RSRC1: variants seen among roughly 807,000 people sequenced by gnomAD.
The protein encoded by RSRC1 is arginine and serine rich coiled-coil 1.
In RSRC1, 39 loss-of-function variants were observed where a neutral mutation model predicts 49.1. The ratio of observed to expected loss-of-function variants is 0.79; its 90% confidence interval spans 0.61 to 1.04. The LOEUF (loss-of-function observed/expected upper bound fraction) is 1.04, where lower values mean the gene tolerates loss of function less well. Among genes scored for constraint, RSRC1 ranks in the 50% least tolerant of loss-of-function variants. The pLI, the probability that RSRC1 is intolerant of heterozygous loss-of-function variation, is 0.00. For missense variants in RSRC1, 388 were observed against 402.4 expected (o/e 0.96, Z 0.31); for synonymous variants, 143 against 130.8 (o/e 1.09, Z -0.63).
At chr3:158,279,523 T>C (rs1043764753) in intron 4 of RSRC1, among the ~76,000 whole-genome samples, 1 of 152,256 alleles carries the variant, frequency 6.6e-6, no homozygotes, top group Non-Finnish European at 1.5e-5. Context: ...TACTTTCGGC[T>C]CAATAGAATA....
intron 6 of RSRC1, among the ~76,000 whole-genome samples, chr3:158,394,479 G>A (rs564587403): frequency 7.9e-5 from 12 of 151,298 alleles, no homozygotes; most frequent in African/African-American, 2.9e-4. Flanking sequence ...CCAGAATCTG[G>A]AGTTTCAGCA....
At chr3:158,247,298 G>A (rs747051790) in intron 4 of RSRC1, among the ~76,000 whole-genome samples, 36 of 151,878 alleles carry the variant, frequency 2.4e-4, no homozygotes, top group Non-Finnish European at 4.6e-4. Flanking sequence ...GCTTTTTTGC[G>A]TTCATTACAA....
At chr3:158,249,930 T>C (rs948736114) in intron 4 of RSRC1, among the ~76,000 whole-genome samples, 1 of 152,200 alleles carries the variant, frequency 6.6e-6, no homozygotes, top group African/African-American at 2.4e-5. Context: ...TCTATATTTC[T>C]GTACCCACTA....
chr3:158,418,087 A>T (rs757216049), intron 6 of RSRC1, among the ~76,000 whole-genome samples: 1 of 152,022 alleles, frequency 6.6e-6, no homozygotes, highest in Non-Finnish European at 1.5e-5. Flanking sequence ...TGGTAAACAC[A>T]CAAGTGTTAT....
chr3:158,391,957 C>T (rs903589243), intron 6 of RSRC1, among the ~76,000 whole-genome samples: 1 of 151,926 alleles, frequency 6.6e-6, no homozygotes. Flanking sequence ...CTTATTAAGC[C>T]AGAATTCTGA....
rs184764370 is a variant in RSRC1, at chr3:158,326,886, A to G, written c.532-27971A>G. On this transcript the variant is annotated intron_variant, in intron 5 of 9. Transcript: ENST00000611884. Reference sequence around the variant, plus strand: ...TACTTTTTTTGGTTGGTAGGCTATTAATTATTGCCTCAATTTCAGAGCCTG... The same window carrying G: ...TACTTTTTTTGGTTGGTAGGCTATTGATTATTGCCTCAATTTCAGAGCCTG... 1.8e-4 allele frequency among the ~76,000 whole-genome samples: 28 copies of G among 152,188 alleles called. No homozygotes were observed. The East Asian group carries it at 3.1e-3, about 17-fold the overall frequency.
At chr3:158,394,591 G>C (rs1733507079) in intron 6 of RSRC1, among the ~76,000 whole-genome samples, 1 of 151,966 alleles carries the variant, frequency 6.6e-6, no homozygotes, top group Admixed American at 6.6e-5. Flanking sequence ...ATTCACAATA[G>C]ACACAAAAAG....
intron 3 of RSRC1, among the ~76,000 whole-genome samples, chr3:158,150,637 T>C (rs905664305): frequency 4.6e-5 from 7 of 152,164 alleles, no homozygotes; most frequent in Non-Finnish European, 7.3e-5. Context: ...TAAGAGACTA[T>C]AAGAGAGGGT....
intron 7 of RSRC1, among the ~76,000 whole-genome samples, chr3:158,531,629 T>A (rs979710489): frequency 6.6e-6 from 1 of 151,786 alleles, no homozygotes; most frequent in East Asian, 1.9e-4. Flanking sequence ...CCTATTCCAC[T>A]TAAGGAGTTT....
chr3:158,225,850 G>A, intron 4 of RSRC1: 1 of 293,320 alleles, frequency 3.4e-6, no homozygotes, highest in Non-Finnish European at 6.7e-6. Flanking sequence ...CCTGGAAGGT[G>A]GAAAACACAC....
At chr3:158,359,429 A>G (rs1333680441) in intron 6 of RSRC1, among the ~76,000 whole-genome samples, 4 of 152,216 alleles carry the variant, frequency 2.6e-5, no homozygotes, top group Non-Finnish European at 5.9e-5. Flanking sequence ...CACCACTGCT[A>G]GATGATTCTT....
chr3:158,253,947 G>A (rs1373358368), intron 4 of RSRC1, among the ~76,000 whole-genome samples: 4 of 152,110 alleles, frequency 2.6e-5, no homozygotes, highest in Non-Finnish European at 4.4e-5. Context: ...CCTGGTGTGT[G>A]ATGTTCCCCG....
intron 3 of RSRC1, among the ~76,000 whole-genome samples, chr3:158,202,578 A>ATATATATATATATATATATATATATATG (rs1721118535): frequency 1.4e-5 from 2 of 142,690 alleles, no homozygotes; most frequent in African/African-American, 2.7e-5. Flanking sequence ...ATATATATAT[A>ATATATATATATATATATATATATATATG]TATGTTTTAT....
chr3:158,422,482 A>G (rs1477480621), intron 6 of RSRC1, among the ~76,000 whole-genome samples: 1 of 150,768 alleles, frequency 6.6e-6, no homozygotes, highest in African/African-American at 2.4e-5. Context: ...TCATTGTTGG[A>G]CATTTGGGTT....
chr3:158,231,423 A>G (rs1012991613), intron 4 of RSRC1, among the ~76,000 whole-genome samples: 11 of 152,004 alleles, frequency 7.2e-5, no homozygotes, highest in African/African-American at 2.4e-4. Flanking sequence ...GGTGTGAGCT[A>G]CCATGCCCGA....
chr3:158,250,186 T>C (rs191539252), intron 4 of RSRC1, among the ~76,000 whole-genome samples: 12 of 152,222 alleles, frequency 7.9e-5, no homozygotes, highest in Non-Finnish European at 1.5e-4. Context: ...ATTGTGTATA[T>C]GTTAGCACGT....
chr3:158,164,484 G>A (rs891449579), intron 3 of RSRC1, among the ~76,000 whole-genome samples: 12 of 151,856 alleles, frequency 7.9e-5, no homozygotes, highest in African/African-American at 2.4e-4. Context: ...AAATATTTAT[G>A]ATTACAAAAA....
chr3:158,473,173 C>G (rs114391686), intron 7 of RSRC1, among the ~76,000 whole-genome samples: 2,973 of 152,218 alleles, frequency 0.02, 101 homozygotes, highest in African/African-American at 0.068. Flanking sequence ...GGTATATACC[C>G]AAAGCATATA....
chr3:158,276,377 A>G, intron 4 of RSRC1: 1 of 779,592 alleles, frequency 1.3e-6, no homozygotes, highest in South Asian at 1.3e-5. Context: ...TGATGACATC[A>G]GGCTGCTTTC....
Sources: allele counts gnomAD v4.1 joint callset (sites outside exome capture counted in the v4.1 genomes callset), GRCh38; gene constraint gnomAD v4.1.1; transcripts MANE v1.5; gene names NCBI Gene and HGNC (gene_info 2026-07-23, HGNC 2026-07-21).